Variants in PTPRD observed in about 807,000 individuals in gnomAD.
PTPRD encodes the protein protein tyrosine phosphatase receptor type D.
A neutral mutation model predicts 214.5 loss-of-function variants in PTPRD; 34 were observed. The observed-to-expected ratio is 0.16, with a 90% CI of 0.12 to 0.21. PTPRD has a LOEUF of 0.21. Ranked by LOEUF, PTPRD falls within the 10% of genes least tolerant of loss-of-function variation. The probability of loss-of-function intolerance (pLI) is 1.00; values close to 1 mark genes in which losing one functional copy is unlikely to be tolerated. For synonymous variants in PTPRD, 1,128 were observed against 845.7 expected, an observed-to-expected ratio of 1.33 and a Z score of -5.79; for missense variants, 2,545 against 2,398.7, an observed-to-expected ratio of 1.06 and a Z score of -1.27.
At chr9:9,906,956 G>C (rs1016578427) in intron 5 of PTPRD, among the ~76,000 whole-genome samples, 7 of 151,854 alleles carry the variant, frequency 4.6e-5, no homozygotes, top group South Asian at 2.1e-4. Context: ...ACTGACAAAA[G>C]TGAAAAAGCA....
At chr9:9,589,960 A>T (rs949677014) in intron 7 of PTPRD, among the ~76,000 whole-genome samples, 1 of 151,960 alleles carries the variant, frequency 6.6e-6, no homozygotes, top group African/African-American at 2.4e-5. Flanking sequence ...CAAACTATTC[A>T]TACATTGTGA....
intron 3 of PTPRD, among the ~76,000 whole-genome samples, chr9:10,190,276 C>A (rs926830271): frequency 6.8e-6 from 1 of 148,030 alleles, no homozygotes; most frequent in South Asian, 2.2e-4. Context: ...TGAGACAGGA[C>A]AATTGCTTGA....
intron 2 of PTPRD, among the ~76,000 whole-genome samples, chr9:10,475,197 C>CG (rs1023432403): frequency 1.5e-4 from 23 of 151,946 alleles, no homozygotes; most frequent in African/African-American, 4.3e-4. Flanking sequence ...AATCCAGGAG[C>CG]GGATTTTTTT....
At chr9:9,833,338 G>C (rs2055585485) in intron 5 of PTPRD, among the ~76,000 whole-genome samples, 1 of 151,944 alleles carries the variant, frequency 6.6e-6, no homozygotes, top group Non-Finnish European at 1.5e-5. Flanking sequence ...ACAAAAACCA[G>C]CAAGTTTTTA....
intron 9 of PTPRD, among the ~76,000 whole-genome samples, chr9:9,267,864 G>C (rs1940778073): frequency 6.6e-6 from 1 of 150,852 alleles, no homozygotes; most frequent in South Asian, 2.1e-4. Context: ...ATGAGATATA[G>C]AAGGAATATA....
At chr9:8,929,887 G>A (rs899442821) in intron 11 of PTPRD, among the ~76,000 whole-genome samples, 1 of 102,202 alleles carries the variant, frequency 9.8e-6, no homozygotes, top group African/African-American at 3.4e-5. Context: ...ATATATGTGT[G>A]TGTATATATA....
At chr9:10,160,607 C>T (rs527509587) in intron 3 of PTPRD, among the ~76,000 whole-genome samples, 53 of 151,748 alleles carry the variant, frequency 3.5e-4, no homozygotes, top group Non-Finnish European at 5.8e-4. Flanking sequence ...TAAGCCAAGC[C>T]CACAGCTAAC....
At chr9:8,801,545 C>T (rs1600235014) in intron 11 of PTPRD, among the ~76,000 whole-genome samples, 3 of 152,052 alleles carry the variant, frequency 2.0e-5, no homozygotes, top group South Asian at 2.1e-4. Flanking sequence ...GGAGAAACCC[C>T]GTCTCTACTA....
intron 7 of PTPRD, among the ~76,000 whole-genome samples, chr9:9,687,964 G>C (rs1365354823): frequency 6.6e-6 from 1 of 151,758 alleles, no homozygotes; most frequent in Non-Finnish European, 1.5e-5. Context: ...TTTCACTCAC[G>C]CTGTTTTCAT....
At chr9:8,524,670 T>C (rs893398234) in intron 18 of PTPRD, 12 of 563,634 alleles carry the variant, frequency 2.1e-5, no homozygotes, top group African/African-American at 5.7e-5. Context: ...ACAGTAAAAA[T>C]AGAAACCAAG....
At chr9:9,533,051 A>G (rs1212621904) in intron 8 of PTPRD, among the ~76,000 whole-genome samples, 1 of 152,184 alleles carries the variant, frequency 6.6e-6, no homozygotes, top group Admixed American at 6.5e-5. Context: ...TTATGGATAC[A>G]AACTCTGGCA....
At chr9:8,535,764 G>A (rs1384007665) in intron 14 of PTPRD, among the ~76,000 whole-genome samples, 1 of 151,896 alleles carries the variant, frequency 6.6e-6, no homozygotes. Flanking sequence ...GAAAATAACT[G>A]TTTGGGGAAA....
chr9:9,062,836 G>A (rs1231623804), intron 10 of PTPRD, among the ~76,000 whole-genome samples: 1 of 152,072 alleles, frequency 6.6e-6, no homozygotes, highest in Non-Finnish European at 1.5e-5. Context: ...GGCCTATTTT[G>A]CCATCCCAGG....
intron 43 of PTPRD, among the ~76,000 whole-genome samples, chr9:8,337,262 GGTGA>G (rs908406544): frequency 1.3e-5 from 2 of 152,034 alleles, no homozygotes; most frequent in African/African-American, 4.8e-5. Context: ...GGAATATTAT[GGTGA>G]GTGAGTATTC....
At chr9:9,338,099 C>T (rs931001023) in intron 9 of PTPRD, among the ~76,000 whole-genome samples, 2 of 152,144 alleles carry the variant, frequency 1.3e-5, no homozygotes, top group Non-Finnish European at 2.9e-5. Context: ...AAAATATCCC[C>T]ATACAATGAC....
intron 3 of PTPRD, among the ~76,000 whole-genome samples, chr9:10,320,372 T>C (rs2096531827): frequency 6.6e-6 from 1 of 152,034 alleles, no homozygotes; most frequent in Non-Finnish European, 1.5e-5. Flanking sequence ...CTAACCTTTA[T>C]TAATATATGG....
intron 9 of PTPRD, among the ~76,000 whole-genome samples, chr9:9,223,832 G>A (rs2133481806): frequency 6.6e-6 from 1 of 152,062 alleles, no homozygotes; most frequent in South Asian, 2.1e-4. Context: ...GTTCGGCTGA[G>A]TACATTACAT....
intron 3 of PTPRD, among the ~76,000 whole-genome samples, chr9:10,245,156 C>G (rs1177153623): frequency 3.3e-5 from 5 of 152,070 alleles, no homozygotes; most frequent in Admixed American, 1.3e-4. Flanking sequence ...ATTTCATCAT[C>G]ACTCAGCTGA....
rs1046922710 is a variant in PTPRD, at chr9:10,594,392, A to G, written c.-600+18006T>C. On this transcript the variant is annotated intron_variant, in intron 2 of 45. Transcript: ENST00000381196. Reference sequence around the variant, plus strand: ...CTAAATTCAAAAAGATAAAGCACCTATGAAATTATGATCAATGATTAATAC... The same window carrying G: ...CTAAATTCAAAAAGATAAAGCACCTGTGAAATTATGATCAATGATTAATAC... 5.3e-5 allele frequency among the ~76,000 whole-genome samples: 8 copies of G among 152,158 alleles called. 1 individual carries two copies. In the Middle Eastern group the frequency reaches 0.01, roughly 194 times the overall value.
Sources: allele counts gnomAD v4.1 joint callset (sites outside exome capture counted in the v4.1 genomes callset), GRCh38; gene constraint gnomAD v4.1.1; transcripts MANE v1.5; gene names NCBI Gene and HGNC (gene_info 2026-07-23, HGNC 2026-07-21).